CDIN1: variants seen among roughly 807,000 people sequenced by gnomAD.
CDIN1 encodes CDAN1-interacting nuclease 1.
Under a neutral mutation model 45.3 loss-of-function variants are expected in CDIN1, and 33 were observed. The observed-to-expected ratio is 0.73, with a 90% CI of 0.55 to 0.97. The LOEUF is 0.97. Among genes scored for constraint, CDIN1 ranks in the 50% least tolerant of loss-of-function variants. CDIN1 has a pLI of 0.00. For missense variants in CDIN1, 303 were observed against 339.4 expected, an observed-to-expected ratio of 0.89 and a Z score of 0.84; for synonymous variants, 118 against 124.4, an observed-to-expected ratio of 0.95 and a Z score of 0.34.
intron 8 of CDIN1, chr15:36,708,007 T>A (rs1389423357): frequency 1.3e-5 from 2 of 152,206 alleles, no homozygotes; most frequent in Non-Finnish European, 2.9e-5. Flanking sequence ...ATATTGACTT[T>A]TAACAAAATT....
At chr15:36,634,249 T>G (rs2039802918) in intron 1 of CDIN1, among the ~76,000 whole-genome samples, 1 of 151,890 alleles carries the variant, frequency 6.6e-6, no homozygotes, top group South Asian at 2.1e-4. Flanking sequence ...GCCAACATGG[T>G]GAAACCCCGT....
At chr15:36,614,108 A>G in intron 1 of CDIN1, 2 of 788,884 alleles carry the variant, frequency 2.5e-6, no homozygotes, top group Non-Finnish European at 4.5e-6. Context: ...CAAGCTGGAA[A>G]TGACTTGGAA....
chr15:36,587,604 T>C (rs1009221613), intron 1 of CDIN1, among the ~76,000 whole-genome samples: 5 of 152,166 alleles, frequency 3.3e-5, no homozygotes, highest in African/African-American at 7.2e-5. Context: ...GGTGCTGCCA[T>C]TGGTTATGGT....
chr15:36,638,108 A>G (rs2039974010), intron 1 of CDIN1, among the ~76,000 whole-genome samples: 1 of 152,212 alleles, frequency 6.6e-6, no homozygotes, highest in Non-Finnish European at 1.5e-5. Flanking sequence ...CAATAAAAAT[A>G]ATTTTTAAAA....
At chr15:36,805,484 T>C (rs1424750853) in intron 10 of CDIN1, among the ~76,000 whole-genome samples, 1 of 152,204 alleles carries the variant, frequency 6.6e-6, no homozygotes, top group African/African-American at 2.4e-5. Flanking sequence ...CATTTTTGTC[T>C]AGTGGTGCCA....
At position 36,608,490 on chromosome 15, in the gene CDIN1, C is replaced by T. The variant is rs1232077911; in HGVS notation, c.101+28529C>T. ...TTTTCTTTGAAGAAATGTCTATCTACATTCTTTGTTCATTTTCTAATTGGT... is the reference window on the plus strand; with the variant it reads ...TTTTCTTTGAAGAAATGTCTATCTATATTCTTTGTTCATTTTCTAATTGGT... On this transcript the variant is annotated intron_variant, in intron 1 of 10. Transcript: ENST00000566621. 2.6e-5 allele frequency among the ~76,000 whole-genome samples: 4 copies of T among 152,034 alleles called. No homozygotes were observed. In the East Asian group the frequency reaches 7.7e-4, roughly 29 times the overall value.
At position 36,809,267 on chromosome 15, in the gene CDIN1, T is replaced by C. The variant is rs2055328557; in HGVS notation, c.*814T>C. On this transcript the variant is annotated 3_prime_UTR_variant, in exon 11 of 11. Coordinates refer to ENST00000566621, the MANE Select transcript of CDIN1 (RefSeq NM_001321759.2). Reference sequence around the variant, plus strand: ...ATTGAGGAGAGTTTATTTTTAAACATGGCTAGTTGTCAGTATGTACGTGAG... The same window carrying C: ...ATTGAGGAGAGTTTATTTTTAAACACGGCTAGTTGTCAGTATGTACGTGAG... 4.0e-6 allele frequency: 1 copy of C among 247,652 alleles called. No homozygotes were observed. The highest frequency in any genetic ancestry group is 8.1e-6 in the Non-Finnish European group (1 of 124,016). 15.3% of individuals were successfully genotyped at this position (247,652 alleles called of 1,614,324 possible). A position where few individuals can be genotyped will look rare whatever the true frequency, so the allele number is the denominator to read the frequency against.
intron 3 of CDIN1, among the ~76,000 whole-genome samples, chr15:36,647,839 ATTTTTT>A (rs11288490): frequency 1.0e-5 from 1 of 100,464 alleles, no homozygotes. Flanking sequence ...TTGTGATAGT[ATTTTTT>A]TTTTTTTTTT....
intron 8 of CDIN1, chr15:36,704,683 C>G (rs957539877): frequency 2.0e-5 from 3 of 151,840 alleles, no homozygotes; most frequent in African/African-American, 7.3e-5. Context: ...TAAAGATGCA[C>G]TAGGTGTTAA....
rs1387158621 is a variant in CDIN1, at chr15:36,619,019, G to A, written c.102-25259G>A. 14 of 1,449,556 alleles carry A rather than the reference G, an allele frequency of 9.7e-6. No homozygotes were observed. The East Asian group carries it at 1.8e-4, about 19-fold the overall frequency. The allele number at this position is 1,449,556 out of a possible 1,614,324, so 89.8% of individuals were successfully genotyped here. On this transcript the variant is annotated intron_variant, in intron 1 of 10. Coordinates refer to ENST00000566621, the MANE Select transcript of CDIN1 (RefSeq NM_001321759.2). Reference sequence around the variant, plus strand: ...CTTGTGTAGCCACTATGGGAACTTCGCTCCAATGTAGTGTCTCCCACGACA... The same window carrying A: ...CTTGTGTAGCCACTATGGGAACTTCACTCCAATGTAGTGTCTCCCACGACA...
intron 1 of CDIN1, among the ~76,000 whole-genome samples, chr15:36,598,448 C>T (rs1341611361): frequency 1.3e-5 from 2 of 152,204 alleles, no homozygotes; most frequent in Admixed American, 6.5e-5. Flanking sequence ...CAGACATGAT[C>T]AGGCCAACAT....
intron 1 of CDIN1, among the ~76,000 whole-genome samples, chr15:36,582,597 C>A (rs1979205): frequency 0.85 from 129,181 of 152,116 alleles, 55,054 homozygotes; most frequent in Middle Eastern, 0.96. Flanking sequence ...AAGGAAAATA[C>A]TATCTTGCTA....
chr15:36,599,107 CT>C (rs10709743), intron 1 of CDIN1, among the ~76,000 whole-genome samples: 30,096 of 133,740 alleles, frequency 0.23, 3,871 homozygotes, highest in East Asian at 0.4. Context: ...AGCATACTTG[CT>C]TTTTTTTTTT....
chr15:36,800,909 G>GTGTGTGTATATA (rs1156514805), intron 10 of CDIN1, among the ~76,000 whole-genome samples: 5 of 22,386 alleles, frequency 2.2e-4, no homozygotes, highest in East Asian at 2.4e-3. Context: ...GTGTGTGTGT[G>GTGTGTGTATATA]TATATATATA....
chr15:36,665,349 G>A (rs2041208147), intron 5 of CDIN1, among the ~76,000 whole-genome samples: 1 of 152,150 alleles, frequency 6.6e-6, no homozygotes, highest in African/African-American at 2.4e-5. Context: ...TATAACCCAT[G>A]ATTGTGGGTA....
chr15:36,718,204 A>C (rs1312995231), intron 10 of CDIN1, among the ~76,000 whole-genome samples: 4 of 152,024 alleles, frequency 2.6e-5, no homozygotes, highest in Non-Finnish European at 5.9e-5. Flanking sequence ...CCTGTTTCTG[A>C]GTTCTCTGTT....
At chr15:36,613,911 T>G in intron 1 of CDIN1, 1 of 1,552,738 alleles carries the variant, frequency 6.4e-7, no homozygotes, top group Admixed American at 1.7e-5. Flanking sequence ...GAGAATGAGC[T>G]GAGCTGGCAG....
At chr15:36,723,632 G>A (rs1006594003) in intron 10 of CDIN1, among the ~76,000 whole-genome samples, 1 of 152,092 alleles carries the variant, frequency 6.6e-6, no homozygotes, top group Admixed American at 6.6e-5. Flanking sequence ...GTGGGCACTC[G>A]TAGCTCACTG....
chr15:36,691,075 T>C (rs2042232464), intron 5 of CDIN1: 1 of 496,856 alleles, frequency 2.0e-6, no homozygotes, highest in Non-Finnish European at 4.0e-6. Context: ...TCTGTATATA[T>C]TTTCCTTATT....
Sources: gnomAD v4.1 joint callset for allele counts (sites outside exome capture counted in the v4.1 genomes callset) on GRCh38, gnomAD v4.1.1 for gene constraint, MANE v1.5 for transcripts, NCBI Gene and HGNC (gene_info 2026-07-23, HGNC 2026-07-21) for gene names.